PCM1: variants seen among roughly 807,000 people sequenced by gnomAD.
PCM1 encodes the protein pericentriolar material 1 protein.
Under a neutral mutation model 241.9 loss-of-function variants are expected in PCM1, and 157 were observed. The ratio of observed to expected loss-of-function variants is 0.65; its 90% confidence interval spans 0.57 to 0.74. The LOEUF is 0.74. Ranked by LOEUF, PCM1 falls within the 30% of genes least tolerant of loss-of-function variation. The pLI is 0.00. For synonymous variants in PCM1, 1,085 were observed against 784.9 expected, an observed-to-expected ratio of 1.38 and a Z score of -6.39; for missense variants, 3,478 against 2,360.1, an observed-to-expected ratio of 1.47 and a Z score of -9.81.
intron 38 of PCM1, among the ~76,000 whole-genome samples, chr8:18,026,695 T>TCTC (rs987613431): frequency 6.6e-6 from 1 of 152,064 alleles, no homozygotes; most frequent in Non-Finnish European, 1.5e-5. Context: ...CCTACCTCTC[T>TCTC]CTCCTCCTCC....
At chr8:17,925,498 A>C (rs1177043386) in intron 2 of PCM1, 1 of 152,216 alleles carries the variant, frequency 6.6e-6, no homozygotes, top group Non-Finnish European at 1.5e-5. Flanking sequence ...AATAACCTAA[A>C]TTTAATTCTA....
chr8:17,951,366 T>C (rs529864807), intron 8 of PCM1, among the ~76,000 whole-genome samples: 3 of 152,340 alleles, frequency 2.0e-5, no homozygotes, highest in Non-Finnish European at 4.4e-5. Context: ...CCAACCACTT[T>C]GGAGAGTTAT....
chr8:17,947,156 G>A (rs28655174), intron 6 of PCM1, 30 bp from the exon 7 acceptor site: 826,823 of 1,440,698 alleles, frequency 0.57, 251,348 homozygotes, highest in Non-Finnish European at 0.64. Context: ...TTAATAGTCA[G>A]ATACAAGTAT....
Position 17,966,109 on chromosome 8 carries a change from A to C in PCM1, c.2966A>C (p.Glu989Ala). 6.2e-7 allele frequency: 1 copy of C among 1,613,296 alleles called. No individual in the cohort carries two copies. Among genetic ancestry groups the C allele is most frequent in the Non-Finnish European group, 8.5e-7 (1 of 1,179,216 alleles). Reference sequence around the variant, plus strand: ...CAAGAAAACCTTCGTTGGGTGTCAGAGCTCTCTTACGTAGAAGAGAAAGAA... The same window carrying C: ...CAAGAAAACCTTCGTTGGGTGTCAGCGCTCTCTTACGTAGAAGAGAAAGAA... ...QRQENLRWVSELSYVEEKEQW... is the reference protein window; with the variant it reads ...QRQENLRWVSALSYVEEKEQW... The change falls in exon 19 of 39, where the codon GAG (glutamate) becomes GCG (alanine). Residue 989 changes from glutamate (E) to alanine (A), a missense_variant. Transcript: ENST00000325083.
intron 3 of PCM1, among the ~76,000 whole-genome samples, chr8:17,936,650 C>G (rs1380836966): frequency 1.3e-5 from 2 of 152,088 alleles, no homozygotes; most frequent in African/African-American, 2.4e-5. Flanking sequence ...GAAACTGAGA[C>G]TATAGGAAGC....
At chr8:18,011,907 C>G (rs1013640347) in intron 34 of PCM1, 80 bp downstream of exon 34, 4 of 1,221,130 alleles carry the variant, frequency 3.3e-6, no homozygotes. Flanking sequence ...TTTAACTAAT[C>G]AAAGTAGATC....
At chr8:17,950,745 T>G in intron 8 of PCM1, 21 bp downstream of exon 8, 5 of 1,297,648 alleles carry the variant, frequency 3.9e-6, no homozygotes, top group Non-Finnish European at 5.5e-6. Flanking sequence ...TGTTTTAGTA[T>G]AGTTGAGTTT....
intron 34 of PCM1, among the ~76,000 whole-genome samples, chr8:18,012,285 A>AC (rs1250040760): frequency 2.0e-5 from 3 of 152,196 alleles, no homozygotes; most frequent in Non-Finnish European, 2.9e-5. Context: ...TGTATACACT[A>AC]CCTGCTTGTT....
rs1461105820 is a variant in PCM1, at chr8:17,962,115, G to A, written c.2404G>A (p.Glu802Lys). The A allele has an allele frequency of 1.2e-5, 19 of 1,610,554 alleles. No homozygotes were observed. In the East Asian group the frequency reaches 2.9e-4, roughly 25 times the overall value. ...VTSTPTVNQH[E>K]TSTSKSVFEP... ...TTCAACCCCAACTGTTAATCAACAC[G>A]AGACCAGTACAAGCAAATCTGTTTT... Residue 802 changes from glutamate (E) to lysine (K), a missense_variant, in exon 16 of 39, where the codon GAG becomes AAG. Transcript: ENST00000325083.
intron 18 of PCM1, 56 bp from the exon 19 acceptor site, chr8:17,965,943 A>G (rs930000690): frequency 2.8e-5 from 37 of 1,309,916 alleles, no homozygotes; most frequent in Non-Finnish European, 3.9e-5. Flanking sequence ...TTATTGCTGT[A>G]TTTTAAAAAC....
At position 18,014,577 on chromosome 8, in the gene PCM1, A is replaced by C; in HGVS notation, c.5585-7A>C. The C allele has an allele frequency of 6.3e-7, 1 of 1,590,956 alleles. No individual in the cohort carries two copies. Among genetic ancestry groups the C allele is most frequent in the Non-Finnish European group, 8.6e-7 (1 of 1,166,938 alleles). On this transcript the variant is annotated splice_polypyrimidine_tract_variant and splice_region_variant and intron_variant, in intron 35 of 38. Transcript: ENST00000325083. ...ACACTAATGTTAAGACTTTCTTTTG[A>C]TGACAGATGACCAAAATAACTGTCC... is the stretch of plus-strand genomic sequence containing the variant.
rs150270230 is a variant in PCM1 at position 17,993,441 on chromosome 8, A to G, written c.4691-42A>G. The stretch of plus-strand genomic sequence containing the variant: ...ACATAAAGGCATATATGTATATATA[A>G]TAGGCTTTGTTAGGCTAATGTATTT... On this transcript the variant is annotated intron_variant, in intron 28 of 38. Transcript: ENST00000325083. 193 of 1,423,060 alleles carry G rather than the reference A, an allele frequency of 1.4e-4. No individual in the cohort carries two copies. In the African/African-American group the frequency reaches 2.3e-3, roughly 17 times the overall value. The allele number at this position is 1,423,060 out of a possible 1,614,324, so 88.2% of individuals were successfully genotyped here. A position where few individuals can be genotyped will look rare whatever the true frequency, so the allele number is the denominator to read the frequency against.
intron 6 of PCM1, among the ~76,000 whole-genome samples, chr8:17,942,111 C>G (rs1021805429): frequency 6.6e-6 from 1 of 151,788 alleles, no homozygotes; most frequent in Non-Finnish European, 1.5e-5. Flanking sequence ...TTATAAATTG[C>G]GAGTATAATT....
At chr8:17,945,682 A>G (rs1586302857) in intron 6 of PCM1, among the ~76,000 whole-genome samples, 2 of 152,166 alleles carry the variant, frequency 1.3e-5, no homozygotes, top group East Asian at 3.9e-4. Flanking sequence ...AAATTTTTAT[A>G]TAGTATTGTA....
chr8:17,991,875 C>A (rs1282045770), intron 28 of PCM1, among the ~76,000 whole-genome samples, 175 bp downstream of exon 28: 3 of 152,078 alleles, frequency 2.0e-5, no homozygotes, highest in Non-Finnish European at 4.4e-5. Flanking sequence ...TCCCCTGAAA[C>A]CCCAAAGTCC....
Position 17,972,468 on chromosome 8 carries a change from A to C in PCM1, c.3724A>C (p.Asn1242His). 1 of 1,613,832 alleles carries C rather than the reference A, an allele frequency of 6.2e-7. No homozygotes were observed. The highest frequency in any genetic ancestry group is 8.5e-7 in the Non-Finnish European group (1 of 1,179,794). ...VEKSTSSNRK[N>H]QLDTNGRRRQ... is the part of the protein sequence containing the mutation. ...AAAATCTACAAGTAGTAACCGCAAA[A>C]ATCAATTAGATACAAACGGAAGAAG... The change falls in exon 23 of 39, where the codon AAT becomes CAT. Residue 1242 changes from asparagine to histidine, a missense_variant. Transcript: ENST00000325083.
At chr8:17,966,265 C>G in intron 19 of PCM1, 47 bp downstream of exon 19, 3 of 1,607,382 alleles carry the variant, frequency 1.9e-6, no homozygotes, top group African/African-American at 1.3e-5. Flanking sequence ...TTTATAACTT[C>G]TGAAGCAATA....
intron 2 of PCM1, among the ~76,000 whole-genome samples, chr8:17,930,509 TGG>T (rs1563609108): frequency 8.5e-5 from 13 of 152,178 alleles, no homozygotes; most frequent in African/African-American, 3.1e-4. Context: ...GACATTTAGG[TGG>T]TTAAAGAGGT....
chr8:18,020,099 C>A (rs528351467), intron 36 of PCM1, among the ~76,000 whole-genome samples: 13 of 152,262 alleles, frequency 8.5e-5, no homozygotes, highest in African/African-American at 2.9e-4. Flanking sequence ...ATAAAATAAA[C>A]CTGGCCTTAT....
Sources: allele counts gnomAD v4.1 joint callset (sites outside exome capture counted in the v4.1 genomes callset), GRCh38; gene constraint gnomAD v4.1.1; transcripts MANE v1.5; gene names NCBI Gene and HGNC (gene_info 2026-07-23, HGNC 2026-07-21).